ATXN7: variants seen among roughly 807,000 people sequenced by gnomAD.
ATXN7 encodes the protein ataxin 7, also known as ataxin-7.
Under a neutral mutation model 70.5 loss-of-function variants are expected in ATXN7, and 12 were observed. That is an observed-to-expected ratio of 0.17 (90% CI 0.11 to 0.28). The LOEUF is 0.28. Ranked by LOEUF, ATXN7 falls within the 10% of genes least tolerant of loss-of-function variation. The pLI, the probability that ATXN7 is intolerant of heterozygous loss-of-function variation, is 1.00. For synonymous variants in ATXN7, 498 were observed against 448.7 expected (o/e 1.11, Z -1.39); for missense variants, 1,256 against 1,131.7 (o/e 1.11, Z -1.58).
At chr3:63,902,249 A>G (rs1703670859) in intron 2 of ATXN7, 1 of 152,154 alleles carries the variant, frequency 6.6e-6, no homozygotes. Context: ...CTCTATAAAA[A>G]AAGTACAAAA....
chr3:63,913,817 G>T (rs1704154762), intron 4 of ATXN7, among the ~76,000 whole-genome samples: 1 of 152,124 alleles, frequency 6.6e-6, no homozygotes, highest in Non-Finnish European at 1.5e-5. Context: ...TGAAATCAGG[G>T]TCTAATTATT....
At chr3:63,998,368 AT>A in intron 12 of ATXN7, 1 of 985,042 alleles carries the variant, frequency 1.0e-6, no homozygotes, top group South Asian at 4.7e-5. Context: ...GTATATATAT[AT>A]GTATACACAC....
At chr3:63,918,854 T>G (rs1022356031) in intron 4 of ATXN7, among the ~76,000 whole-genome samples, 1 of 152,222 alleles carries the variant, frequency 6.6e-6, no homozygotes, top group Non-Finnish European at 1.5e-5. Flanking sequence ...TGAACATTAA[T>G]GCACATGTAA....
intron 11 of ATXN7, among the ~76,000 whole-genome samples, chr3:63,991,473 C>T (rs972262477): frequency 3.3e-5 from 5 of 151,942 alleles, no homozygotes; most frequent in Non-Finnish European, 7.4e-5. Flanking sequence ...AAGAGGCAGT[C>T]CTTGAACTGA....
intron 1 of ATXN7, among the ~76,000 whole-genome samples, chr3:63,890,433 G>T (rs1207349306): frequency 6.6e-6 from 1 of 152,042 alleles, no homozygotes; most frequent in South Asian, 2.1e-4. Flanking sequence ...CTAACTACAG[G>T]ACTTAAACTG....
chr3:63,995,754 A>T lies in ATXN7; in HGVS notation c.1932A>T (p.Arg644Ser). The T allele has an allele frequency of 6.2e-7, 1 of 1,614,206 alleles. No homozygotes were observed. Among genetic ancestry groups the T allele is most frequent in the Non-Finnish European group, 8.5e-7 (1 of 1,180,040 alleles). ...AMDPVCSMQSRQVSSSSSSPS... is the reference protein window; with the variant it reads ...AMDPVCSMQSSQVSSSSSSPS... ...ATCCTGTGTGCAGTATGCAATCCAG[A>T]CAAGTGTCCTCTTCATCCTCATCCC... Residue 644 changes from arginine (R) to serine (S), a missense_variant, in exon 12 of 13, where the codon AGA (arginine) becomes AGT (serine). Coordinates refer to ENST00000674280, the MANE Select transcript of ATXN7 (RefSeq NM_001377405.1).
chr3:63,936,788 C>G (rs185750231), intron 4 of ATXN7, among the ~76,000 whole-genome samples: 1 of 152,128 alleles, frequency 6.6e-6, no homozygotes, highest in African/African-American at 2.4e-5. Context: ...AGATAATGAT[C>G]TCTCCTTGAA....
rs183902754 is a variant in ATXN7 at position 63,869,321 on chromosome 3, G to C, written c.-111+5163G>C. On this transcript the variant is annotated intron_variant, in intron 1 of 12. Transcript: ENST00000674280. ...GGGATAATAAATGCAAAAAAGTTTT[G>C]CTTACTCCTAGGCTCCTAGTAAGTA... 4.5e-4 allele frequency among the ~76,000 whole-genome samples: 69 copies of C among 152,298 alleles called. 1 individual carries two copies. The highest frequency in any genetic ancestry group is 9.2e-4 in the Admixed American group (14 of 15,298).
intron 6 of ATXN7, among the ~76,000 whole-genome samples, chr3:63,981,312 C>T (rs2075483606): frequency 6.6e-6 from 1 of 152,162 alleles, no homozygotes; most frequent in African/African-American, 2.4e-5. Context: ...GGTTTTTGTT[C>T]CGGGAGCAGT....
chr3:63,930,618 G>A (rs758218788), intron 4 of ATXN7, among the ~76,000 whole-genome samples: 3 of 151,354 alleles, frequency 2.0e-5, no homozygotes, highest in Admixed American at 6.6e-5. Context: ...TGCAAGCTCC[G>A]CCTCCCGGGT....
At chr3:63,905,545 A>G (rs1703809373) in intron 2 of ATXN7, 3 of 152,222 alleles carry the variant, frequency 2.0e-5, no homozygotes, top group African/African-American at 7.2e-5. Flanking sequence ...CTGGTAAGTC[A>G]GATTCCAACC....
At chr3:63,917,718 A>T (rs1424924105) in intron 4 of ATXN7, among the ~76,000 whole-genome samples, 2 of 152,222 alleles carry the variant, frequency 1.3e-5, no homozygotes, top group Admixed American at 6.5e-5. Flanking sequence ...AGTGTTGTTG[A>T]TGAAGGCATA....
intron 12 of ATXN7, chr3:63,999,134 CTT>C: frequency 3.4e-6 from 1 of 297,304 alleles, no homozygotes; most frequent in South Asian, 3.9e-5. Flanking sequence ...ACTGGAATAC[CTT>C]CAAGGACACA....
chr3:63,990,786 G>C lies in ATXN7; in HGVS notation c.1609G>C (p.Asp537His), dbSNP rs2075659615. ...RQIGRGYYVF[D>H]SRWNRLRCAL... ...GATAGGAAGAGGCTATTACGTGTTT[G>C]ACTCCAGGTGGAATCGACTTCGCTG... The change falls in exon 11 of 13, where the codon GAC (aspartate) becomes CAC (histidine). Residue 537 changes from aspartate (D) to histidine (H), a missense_variant. Coordinates refer to ENST00000674280, the MANE Select transcript of ATXN7 (RefSeq NM_001377405.1). 6.2e-7 allele frequency: 1 copy of C among 1,614,080 alleles called. No individual in the cohort carries two copies. The highest frequency in any genetic ancestry group is 1.3e-5 in the African/African-American group (1 of 74,938).
intron 2 of ATXN7, chr3:63,902,246 A>G (rs928299096): frequency 3.3e-5 from 5 of 152,106 alleles, no homozygotes; most frequent in South Asian, 4.2e-4. Context: ...CGTCTCTATA[A>G]AAAAAGTACA....
chr3:64,001,980 ACTC>A lies in ATXN7; in HGVS notation c.*2516_*2518del, dbSNP rs935939927. On this transcript the variant is annotated 3_prime_UTR_variant, in exon 13 of 13. Transcript: ENST00000674280. ...TTCTTTCCAATAGAATTTCATGACA[ACTC>A]CTGCAGTTTTCTTAACCTACAAAAA... 13 of 149,686 alleles carry A rather than the reference ACTC, an allele frequency of 8.7e-5. No individual in the cohort carries two copies. The South Asian group carries it at 1.1e-3, about 12-fold the overall frequency. The allele number at this position is 149,686 out of a possible 1,614,324, so 9.3% of individuals were successfully genotyped here.
At position 63,990,725 on chromosome 3, in the gene ATXN7, T is replaced by G. The variant is rs766124797; in HGVS notation, c.1561-13T>G. 8 of 1,614,126 alleles carry G rather than the reference T, an allele frequency of 5.0e-6. No homozygotes were observed. In the South Asian group the frequency reaches 8.8e-5, roughly 18 times the overall value. ...GGGAGTCAGCAAGCACGCGGCTATG[T>G]TTTCTCTTGCAGTTTTGCACATTTG... On this transcript the variant is annotated splice_polypyrimidine_tract_variant and intron_variant, in intron 10 of 12. Transcript: ENST00000674280.
intron 1 of ATXN7, among the ~76,000 whole-genome samples, chr3:63,869,883 C>T (rs1702545505): frequency 6.6e-6 from 1 of 152,168 alleles, no homozygotes; most frequent in Non-Finnish European, 1.5e-5. Flanking sequence ...TTGGACTTCT[C>T]CATTGTTCTT....
intron 2 of ATXN7, among the ~76,000 whole-genome samples, chr3:63,899,736 C>G (rs936938348): frequency 6.6e-6 from 1 of 152,144 alleles, no homozygotes; most frequent in African/African-American, 2.4e-5. Flanking sequence ...GCCTCAGCCT[C>G]CCGACTAGCT....
Sources: gnomAD v4.1 joint callset for allele counts (sites outside exome capture counted in the v4.1 genomes callset) on GRCh38, gnomAD v4.1.1 for gene constraint, MANE v1.5 for transcripts, NCBI Gene and HGNC (gene_info 2026-07-23, HGNC 2026-07-21) for gene names.